The following RASSF3 variants were observed in gnomAD, a reference collection of about 807,000 sequenced individuals.
The protein encoded by RASSF3 is ras association domain-containing protein 3.
RASSF3 carries 19 observed loss-of-function variants against 19.9 expected under a neutral mutation model. That is an observed-to-expected ratio of 0.96 (90% CI 0.67 to 1.40). The LOEUF (loss-of-function observed/expected upper bound fraction) is 1.40, where lower values mean the gene tolerates loss of function less well. RASSF3 is among the 40% of genes most tolerant of loss of function. The pLI is 0.00. For synonymous variants in RASSF3, 110 were observed against 104.2 expected, an observed-to-expected ratio of 1.06 and a Z score of -0.34; for missense variants, 306 against 289.8, an observed-to-expected ratio of 1.06 and a Z score of -0.41.
intron 2 of RASSF3, among the ~76,000 whole-genome samples, chr12:64,685,932 T>G (rs1266456904): frequency 2.0e-5 from 3 of 152,218 alleles, no homozygotes; most frequent in Non-Finnish European, 4.4e-5. Context: ...TCTCTCAGTC[T>G]GTTTACTGTG....
intron 2 of RASSF3, among the ~76,000 whole-genome samples, chr12:64,557,356 A>G (rs1170655424): frequency 6.6e-6 from 1 of 151,944 alleles, no homozygotes; most frequent in Non-Finnish European, 1.5e-5. Context: ...TTCCACATAA[A>G]TTCTTCCCTG....
intron 1 of RASSF3, among the ~76,000 whole-genome samples, chr12:64,525,053 A>G (rs1427101196): frequency 6.6e-6 from 1 of 152,182 alleles, no homozygotes; most frequent in Non-Finnish European, 1.5e-5. Flanking sequence ...AGGCAGGTGG[A>G]TCACCCGAGG....
intron 1 of RASSF3, among the ~76,000 whole-genome samples, chr12:64,650,054 G>A (rs1331621714): frequency 6.6e-6 from 1 of 152,204 alleles, no homozygotes; most frequent in African/African-American, 2.4e-5. Context: ...TTACGCACCA[G>A]CATTGTTTAG....
In RASSF3 at chr12:64,508,802, C is replaced by T. The variant is rs1360516963; in HGVS notation, c.169+1473C>T. 2.6e-5 allele frequency among the ~76,000 whole-genome samples: 4 copies of T among 151,828 alleles called. No individual in the cohort carries two copies. In the South Asian group the frequency reaches 6.2e-4, roughly 24 times the overall value. Reference sequence around the variant, plus strand: ...GGGAGGCAGAAGCAGGAGAATTGCTCGAAAACCCAGGAGGTGGAGGTTGCG... The same window carrying T: ...GGGAGGCAGAAGCAGGAGAATTGCTTGAAAACCCAGGAGGTGGAGGTTGCG... On this transcript the variant is annotated intron_variant, in intron 1 of 5. Transcript: ENST00000637125.
chr12:64,561,936 A>G (rs1325970173), intron 2 of RASSF3, among the ~76,000 whole-genome samples: 1 of 151,962 alleles, frequency 6.6e-6, no homozygotes, highest in Non-Finnish European at 1.5e-5. Flanking sequence ...CACCCACCTC[A>G]GCCTCCCAAA....
intron 1 of RASSF3, among the ~76,000 whole-genome samples, chr12:64,624,423 G>A (rs1228162207): frequency 6.6e-6 from 1 of 151,684 alleles, no homozygotes; most frequent in Non-Finnish European, 1.5e-5. Context: ...GTACCTCTTT[G>A]TTTTTTTAAT....
At chr12:64,627,789 G>A (rs1451113350) in intron 1 of RASSF3, among the ~76,000 whole-genome samples, 1 of 152,128 alleles carries the variant, frequency 6.6e-6, no homozygotes, top group Admixed American at 6.6e-5. Flanking sequence ...CTAGCTCCTA[G>A]GACTGGTCCT....
chr12:64,554,188 G>A (rs1190402106), intron 2 of RASSF3, among the ~76,000 whole-genome samples: 5 of 152,086 alleles, frequency 3.3e-5, no homozygotes, highest in Non-Finnish European at 7.3e-5. Context: ...AAAATGTGAC[G>A]AAAGCAAAGG....
chr12:64,541,610 C>T lies in RASSF3; in HGVS notation c.97C>T (p.Arg33Ter), dbSNP rs759090782. ...TAAATATATATGTCATGCTCACTGC[C>T]GAGACCTGGTACATCTGGATTATCC... is the stretch of plus-strand genomic sequence containing the variant. The change falls in exon 2 of 2, where the codon CGA (arginine) becomes TGA (stop). Residue 33 changes from arginine to a stop codon, truncating the protein, a stop_gained. Coordinates refer to the RASSF3 transcript ENST00000636333. LOFTEE classifies it low-confidence loss of function (END_TRUNC). 2.3e-4 allele frequency: 93 copies of T among 398,432 alleles called. 1 individual carries two copies. The highest frequency in any genetic ancestry group is 6.4e-4 in the South Asian group (5 of 7,856). 24.7% of individuals were successfully genotyped at this position (398,432 alleles called of 1,614,324 possible). A position where few individuals can be genotyped will look rare whatever the true frequency, so the allele number is the denominator to read the frequency against.
chr12:64,553,698 T>G (rs1479240580), intron 2 of RASSF3, among the ~76,000 whole-genome samples: 2 of 152,096 alleles, frequency 1.3e-5, no homozygotes, highest in African/African-American at 4.8e-5. Context: ...TTGTCTGGAC[T>G]GAGTGCAGTG....
chr12:64,526,014 C>T (rs1266181409), intron 1 of RASSF3, among the ~76,000 whole-genome samples: 1 of 152,124 alleles, frequency 6.6e-6, no homozygotes, highest in Non-Finnish European at 1.5e-5. Flanking sequence ...ATTATTCTAA[C>T]GATTCCTAGA....
chr12:64,610,456 A>G, upstream of RASSF3: 1 of 217,358 alleles, frequency 4.6e-6, no homozygotes, highest in Non-Finnish European at 8.8e-6. Flanking sequence ...CCGCGCCTGG[A>G]GCCTGGCGGG....
At chr12:64,637,667 C>T (rs1871368975) in intron 1 of RASSF3, among the ~76,000 whole-genome samples, 1 of 151,128 alleles carries the variant, frequency 6.6e-6, no homozygotes, top group Admixed American at 6.6e-5. Flanking sequence ...TGGCCTCAAG[C>T]GATCCACCCA....
At chr12:64,567,444 A>G (rs966035847) in intron 2 of RASSF3, among the ~76,000 whole-genome samples, 5 of 152,126 alleles carry the variant, frequency 3.3e-5, no homozygotes, top group African/African-American at 1.2e-4. Flanking sequence ...GTTCCAGCCA[A>G]TGAAATGTGA....
chr12:64,655,832 G>A (rs188986571), intron 1 of RASSF3, among the ~76,000 whole-genome samples: 5 of 151,986 alleles, frequency 3.3e-5, no homozygotes, highest in South Asian at 4.2e-4. Flanking sequence ...TTCGAGACCA[G>A]CCTGGCTAAC....
chr12:64,603,163 CTT>C (rs549257057), intron 2 of RASSF3, among the ~76,000 whole-genome samples: 1 of 149,806 alleles, frequency 6.7e-6, no homozygotes, highest in Non-Finnish European at 1.5e-5. Context: ...GTTTCTTTAA[CTT>C]TTTTTTTTGT....
At chr12:64,517,316 C>T (rs940316135) in intron 1 of RASSF3, among the ~76,000 whole-genome samples, 1 of 151,834 alleles carries the variant, frequency 6.6e-6, no homozygotes, top group African/African-American at 2.4e-5. Flanking sequence ...CCTCCCCCCC[C>T]CCACTAAGCT....
intron 2 of RASSF3, among the ~76,000 whole-genome samples, chr12:64,551,737 C>T (rs749276871): frequency 3.9e-5 from 6 of 152,144 alleles, no homozygotes; most frequent in South Asian, 2.1e-4. Context: ...TCACAACAAT[C>T]GTATTTGTCC....
intron 2 of RASSF3, among the ~76,000 whole-genome samples, chr12:64,590,416 C>A (rs1869900345): frequency 1.3e-5 from 2 of 152,204 alleles, no homozygotes; most frequent in Admixed American, 6.6e-5. Flanking sequence ...TAGACATGAG[C>A]CCATGAACCT....
Sources: allele counts gnomAD v4.1 joint callset (sites outside exome capture counted in the v4.1 genomes callset), GRCh38; gene constraint gnomAD v4.1.1; transcripts MANE v1.5; gene names NCBI Gene and HGNC (gene_info 2026-07-23, HGNC 2026-07-21).